LRP1B: variants seen among roughly 807,000 people sequenced by gnomAD.
The protein encoded by LRP1B is LDL receptor related protein 1B.
LRP1B carries 217 observed loss-of-function variants against 556.6 expected under a neutral mutation model. The ratio of observed to expected loss-of-function variants is 0.39; its 90% confidence interval spans 0.35 to 0.44. LRP1B has a LOEUF of 0.44. Ranked by LOEUF, LRP1B falls within the 20% of genes least tolerant of loss-of-function variation. The pLI, the probability that LRP1B is intolerant of heterozygous loss-of-function variation, is 1.00. For synonymous variants in LRP1B, 2,047 were observed against 1,865.8 expected, an observed-to-expected ratio of 1.10 and a Z score of -2.50; for missense variants, 5,053 against 5,620.8, an observed-to-expected ratio of 0.90 and a Z score of 3.23.
At position 141,477,963 on chromosome 2, in the gene LRP1B, C is replaced by CA. The variant is rs58642133; in HGVS notation, c.343+2432dup. Among the ~76,000 whole-genome samples the CA allele has an allele frequency of 3.8e-3, 563 of 147,512 alleles. 2 individuals are homozygous for CA. The highest frequency in any genetic ancestry group is 0.013 in the African/African-American group (525 of 40,510). On this transcript the variant is annotated intron_variant, in intron 3 of 90. Coordinates refer to ENST00000389484, the MANE Select transcript of LRP1B (RefSeq NM_018557.3). ...CACTGCAAACTAAACCTCCTACTGG[C>CA]AAAAAAAAAAAAGTTGTCACATGTG... is the stretch of plus-strand genomic sequence containing the variant.
intron 7 of LRP1B, among the ~76,000 whole-genome samples, chr2:141,179,316 A>T (rs1247209203): frequency 6.6e-6 from 1 of 151,986 alleles, no homozygotes; most frequent in African/African-American, 2.4e-5. Context: ...ACTAGCTTGA[A>T]AACTTTCAGA....
chr2:141,505,496 A>G (rs1683890889), intron 2 of LRP1B, among the ~76,000 whole-genome samples: 3 of 152,110 alleles, frequency 2.0e-5, no homozygotes. Flanking sequence ...TGTACCTGTG[A>G]AATTTTCACA....
At chr2:140,515,801 C>T (rs951138164) in intron 50 of LRP1B, among the ~76,000 whole-genome samples, 3 of 152,036 alleles carry the variant, frequency 2.0e-5, no homozygotes, top group South Asian at 4.1e-4. Flanking sequence ...TATATGGCAT[C>T]TTAGTAAAAT....
At chr2:140,948,524 C>T (rs1377817725) in intron 20 of LRP1B, among the ~76,000 whole-genome samples, 1 of 152,114 alleles carries the variant, frequency 6.6e-6, no homozygotes, top group East Asian at 1.9e-4. Flanking sequence ...GAACTTATTA[C>T]ATAATGGAGA....
chr2:141,063,106 T>C (rs1699386227), intron 7 of LRP1B, among the ~76,000 whole-genome samples: 1 of 151,752 alleles, frequency 6.6e-6, no homozygotes, highest in South Asian at 2.1e-4. Context: ...TTTAACAAGA[T>C]TACCCACTCA....
At chr2:141,375,066 G>A (rs1182590258) in intron 3 of LRP1B, among the ~76,000 whole-genome samples, 2 of 152,082 alleles carry the variant, frequency 1.3e-5, no homozygotes, top group Admixed American at 6.6e-5. Flanking sequence ...TATGTTGTTG[G>A]TTAAGTAGGA....
At chr2:140,452,485 T>C (rs1686925296) in intron 62 of LRP1B, among the ~76,000 whole-genome samples, 1 of 152,106 alleles carries the variant, frequency 6.6e-6, no homozygotes, top group African/African-American at 2.4e-5. Flanking sequence ...GAAAAGCATA[T>C]ATCACAATAT....
chr2:140,270,153 T>G, intron 86 of LRP1B, 89 bp downstream of exon 86: 1 of 894,950 alleles, frequency 1.1e-6, no homozygotes, highest in Non-Finnish European at 1.8e-6. Flanking sequence ...CATTTAAAAT[T>G]ACCCCAGAAA....
chr2:141,131,036 C>G (rs1443332872), intron 7 of LRP1B, among the ~76,000 whole-genome samples: 1 of 151,906 alleles, frequency 6.6e-6, no homozygotes, highest in Non-Finnish European at 1.5e-5. Flanking sequence ...ACATGTGGAA[C>G]TTAAAACCTA....
intron 6 of LRP1B, among the ~76,000 whole-genome samples, chr2:141,216,924 G>A (rs1028310769): frequency 9.2e-5 from 14 of 152,098 alleles, no homozygotes; most frequent in Non-Finnish European, 8.8e-5. Flanking sequence ...CTTATAAGTG[G>A]AAGGAACTTG....
intron 1 of LRP1B, among the ~76,000 whole-genome samples, chr2:142,109,711 A>C (rs1156810645): frequency 6.6e-6 from 1 of 152,180 alleles, no homozygotes; most frequent in Non-Finnish European, 1.5e-5. Flanking sequence ...AACATTGTAC[A>C]TATTTGTCTA....
intron 35 of LRP1B, among the ~76,000 whole-genome samples, chr2:140,748,801 TA>T (rs1688460014): frequency 7.9e-6 from 1 of 126,412 alleles, no homozygotes; most frequent in Non-Finnish European, 1.6e-5. Context: ...ATTATATACA[TA>T]TTATATACAT....
intron 2 of LRP1B, among the ~76,000 whole-genome samples, chr2:141,619,565 A>G (rs182208596): frequency 6.6e-6 from 1 of 152,330 alleles, no homozygotes; most frequent in African/African-American, 2.4e-5. Context: ...TTAAATATGT[A>G]CTAGGAAATT....
intron 35 of LRP1B, among the ~76,000 whole-genome samples, chr2:140,758,001 T>C (rs1380326076): frequency 6.6e-6 from 1 of 152,192 alleles, no homozygotes; most frequent in African/African-American, 2.4e-5. Flanking sequence ...CAATTGTATA[T>C]TAATGATGGC....
intron 1 of LRP1B, among the ~76,000 whole-genome samples, chr2:141,889,720 C>A (rs910315675): frequency 6.6e-6 from 1 of 152,060 alleles, no homozygotes; most frequent in Admixed American, 6.6e-5. Context: ...GTAAAGAAGG[C>A]ATGCCAAACT....
chr2:141,336,235 AATGGT>A (rs1687845984), intron 3 of LRP1B, among the ~76,000 whole-genome samples: 1 of 152,060 alleles, frequency 6.6e-6, no homozygotes, highest in Non-Finnish European at 1.5e-5. Flanking sequence ...CTGTCTCTTA[AATGGT>A]GATGTTCCCC....
intron 18 of LRP1B, among the ~76,000 whole-genome samples, chr2:140,961,326 CA>C (rs1696027085): frequency 6.6e-6 from 1 of 151,872 alleles, no homozygotes; most frequent in Non-Finnish European, 1.5e-5. Context: ...TTCTTGTGTT[CA>C]CAAAGGAATT....
chr2:140,936,571 T>C (rs1026639278), intron 20 of LRP1B, among the ~76,000 whole-genome samples: 1 of 151,582 alleles, frequency 6.6e-6, no homozygotes. Context: ...GAAAGGAAAA[T>C]AGAGAGTAAC....
intron 1 of LRP1B, among the ~76,000 whole-genome samples, chr2:142,103,937 G>C (rs1706654596): frequency 1.3e-5 from 2 of 152,088 alleles, no homozygotes; most frequent in South Asian, 4.1e-4. Context: ...ACAAGTGTCT[G>C]ATCAGTACTC....
Sources: gnomAD v4.1 joint callset for allele counts (sites outside exome capture counted in the v4.1 genomes callset) on GRCh38, gnomAD v4.1.1 for gene constraint, MANE v1.5 for transcripts, NCBI Gene and HGNC (gene_info 2026-07-23, HGNC 2026-07-21) for gene names.